TENM2: variants seen among roughly 807,000 people sequenced by gnomAD.
The protein encoded by TENM2 is teneurin transmembrane protein 2.
In TENM2, 52 loss-of-function variants were observed where a neutral mutation model predicts 245.2. The observed-to-expected ratio is 0.21, with a 90% confidence interval of 0.17 to 0.27. The LOEUF (loss-of-function observed/expected upper bound fraction) is 0.27, where lower values mean the gene tolerates loss of function less well. Among genes scored for constraint, TENM2 ranks in the 10% least tolerant of loss-of-function variants. The pLI, the probability that TENM2 is intolerant of heterozygous loss-of-function variation, is 1.00. For synonymous variants in TENM2, 1,363 were observed against 1,438.9 expected (o/e 0.95, Z 1.19); for missense variants, 3,046 against 3,666.8 (o/e 0.83, Z 4.37).
intron 13 of TENM2, among the ~76,000 whole-genome samples, chr5:168,176,882 C>T (rs148516076): frequency 1.3e-5 from 2 of 152,282 alleles, no homozygotes; most frequent in African/African-American, 2.4e-5. Context: ...CCGCTGATAT[C>T]GTTTTATCAG....
chr5:167,383,590 C>T (rs1164479977), intron 2 of TENM2, among the ~76,000 whole-genome samples: 2 of 152,060 alleles, frequency 1.3e-5, no homozygotes, highest in African/African-American at 4.8e-5. Context: ...CATCTTCCCT[C>T]CCCACCTGCA....
chr5:168,053,147 C>T (rs190923375), intron 6 of TENM2, among the ~76,000 whole-genome samples: 62 of 152,270 alleles, frequency 4.1e-4, no homozygotes, highest in Admixed American at 9.2e-4. Context: ...CTTTACTGCA[C>T]GTCTACTGGC....
At chr5:167,179,144 G>A in the TENM2 span, among the ~76,000 whole-genome samples, 1 of 152,088 alleles carries the variant, frequency 6.6e-6, no homozygotes, top group Non-Finnish European at 1.5e-5. Flanking sequence ...GGCATTTTCT[G>A]AAAGCTACAT....
At chr5:167,309,686 T>C (rs1437613147) in intron 1 of TENM2, 3 of 152,140 alleles carry the variant, frequency 2.0e-5, no homozygotes, top group African/African-American at 7.2e-5. Flanking sequence ...GTTCATTTTG[T>C]CCCTAGTTTT....
intron 2 of TENM2, among the ~76,000 whole-genome samples, chr5:167,516,781 G>A (rs2127577087): frequency 6.6e-6 from 1 of 152,286 alleles, no homozygotes; most frequent in East Asian, 1.9e-4. Context: ...TTCTGTGCTT[G>A]CGGCTTCATT....
intron 2 of TENM2, among the ~76,000 whole-genome samples, chr5:167,476,451 A>G (rs1767382399): frequency 1.3e-5 from 2 of 152,206 alleles, no homozygotes; most frequent in South Asian, 4.1e-4. Flanking sequence ...TTTGTAAATC[A>G]CCATCAAGCT....
intron 2 of TENM2, among the ~76,000 whole-genome samples, chr5:167,824,775 A>G (rs767325567): frequency 6.6e-6 from 1 of 152,214 alleles, no homozygotes; most frequent in Non-Finnish European, 1.5e-5. Flanking sequence ...TCAAAACAAC[A>G]GTATGGTTTA....
intron 4 of TENM2, among the ~76,000 whole-genome samples, chr5:167,977,398 T>A (rs1782520751): frequency 6.6e-6 from 1 of 152,164 alleles, no homozygotes; most frequent in South Asian, 2.1e-4. Flanking sequence ...TATAAAAAAT[T>A]GAAGAACTTA....
At chr5:167,499,025 C>T (rs1324718100) in intron 2 of TENM2, among the ~76,000 whole-genome samples, 1 of 152,100 alleles carries the variant, frequency 6.6e-6, no homozygotes, top group Non-Finnish European at 1.5e-5. Flanking sequence ...CTACTAGAAT[C>T]TAGTGACGTT....
intron 12 of TENM2, among the ~76,000 whole-genome samples, chr5:168,148,724 A>G (rs1354126085): frequency 6.6e-6 from 1 of 152,200 alleles, no homozygotes; most frequent in African/African-American, 2.4e-5. Flanking sequence ...CTTCTGTACA[A>G]GGTAAAAAGT....
chr5:167,877,397 C>A (rs1252419810), intron 3 of TENM2, among the ~76,000 whole-genome samples: 5 of 151,874 alleles, frequency 3.3e-5, no homozygotes, highest in African/African-American at 4.8e-5. Context: ...TATTCTTTTT[C>A]AAAAAAAATT....
chr5:167,377,586 A>G (rs566828730), intron 2 of TENM2, among the ~76,000 whole-genome samples: 29 of 152,330 alleles, frequency 1.9e-4, no homozygotes, highest in Admixed American at 3.9e-4. Flanking sequence ...TTGGCCAGAA[A>G]TAAAAATAAG....
intron 25 of TENM2, among the ~76,000 whole-genome samples, chr5:168,229,038 T>A (rs776179421): frequency 6.8e-5 from 10 of 148,090 alleles, no homozygotes; most frequent in Non-Finnish European, 1.0e-4. Context: ...CATTACATTA[T>A]ATATAATTAC....
At chr5:167,867,693 C>T (rs763671045) in intron 2 of TENM2, among the ~76,000 whole-genome samples, 5 of 152,162 alleles carry the variant, frequency 3.3e-5, no homozygotes, top group Non-Finnish European at 7.3e-5. Flanking sequence ...GATATCGTCT[C>T]ATTGAGAAGA....
intron 2 of TENM2, among the ~76,000 whole-genome samples, chr5:167,634,654 A>T (rs1779080008): frequency 6.6e-6 from 1 of 151,926 alleles, no homozygotes; most frequent in Admixed American, 6.6e-5. Flanking sequence ...TCTGTAAATA[A>T]AGCTTCTTTT....
the TENM2 span, among the ~76,000 whole-genome samples, chr5:167,093,676 G>C: frequency 2.2e-4 from 33 of 152,184 alleles, no homozygotes; most frequent in African/African-American, 8.0e-4. Context: ...AACTGCACAA[G>C]TCTTGGACTT....
At chr5:167,560,230 T>A (rs914597758) in intron 2 of TENM2, among the ~76,000 whole-genome samples, 2 of 152,224 alleles carry the variant, frequency 1.3e-5, no homozygotes, top group African/African-American at 4.8e-5. Flanking sequence ...GACTCTTGTG[T>A]ACATTGAAGG....
At chr5:167,583,676 T>G (rs942314492) in intron 2 of TENM2, among the ~76,000 whole-genome samples, 3 of 152,160 alleles carry the variant, frequency 2.0e-5, no homozygotes, top group Non-Finnish European at 4.4e-5. Context: ...ATCTAGCAAT[T>G]ATTAAATCAA....
At chr5:167,342,833 A>G (rs1353646359) in intron 1 of TENM2, among the ~76,000 whole-genome samples, 4 of 146,920 alleles carry the variant, frequency 2.7e-5, no homozygotes, top group Non-Finnish European at 4.5e-5. Flanking sequence ...GGCCAAAGTT[A>G]TTCTTTATCG....
Sources: gnomAD v4.1 joint callset for allele counts (sites outside exome capture counted in the v4.1 genomes callset) on GRCh38, gnomAD v4.1.1 for gene constraint, MANE v1.5 for transcripts, NCBI Gene and HGNC (gene_info 2026-07-23, HGNC 2026-07-21) for gene names.